Variants in RALGPS1 observed in about 807,000 individuals in gnomAD.
RALGPS1 encodes Ral GEF with PH domain and SH3 binding motif 1, also known as ras-specific guanine nucleotide-releasing factor RalGPS1.
Under a neutral mutation model 78.8 loss-of-function variants are expected in RALGPS1, and 19 were observed. The ratio of observed to expected loss-of-function variants is 0.24; its 90% CI spans 0.17 to 0.35. The LOEUF is 0.35. Ranked by LOEUF, RALGPS1 falls within the 10% of genes least tolerant of loss-of-function variation. RALGPS1 has a pLI of 1.00. For synonymous variants in RALGPS1, 228 were observed against 256.3 expected, an observed-to-expected ratio of 0.89 and a Z score of 1.06; for missense variants, 454 against 688.3, an observed-to-expected ratio of 0.66 and a Z score of 3.81.
In RALGPS1 at chr9:127,183,752, G is replaced by C. The variant is rs780752321; in HGVS notation, c.910+8970G>C. Reference sequence around the variant, plus strand: ...CTCTCTCTGGAAACATACTCTCTCTGCCCGTTTATATTTTCGGAATGGATG... The same window carrying C: ...CTCTCTCTGGAAACATACTCTCTCTCCCCGTTTATATTTTCGGAATGGATG... On this transcript the variant is annotated intron_variant, in intron 11 of 18. Transcript: ENST00000259351. The surrounding 1 kb of genome is among the most constrained non-coding windows in gnomAD (Gnocchi z 4.0). 1.2e-5 allele frequency: 10 copies of C among 862,300 alleles called. No homozygotes were observed. The highest frequency in any genetic ancestry group is 1.6e-5 in the Non-Finnish European group (9 of 568,946). 53.4% of individuals were successfully genotyped at this position (862,300 alleles called of 1,614,324 possible).
At chr9:127,044,962 A>G (rs2069979513) in intron 5 of RALGPS1, among the ~76,000 whole-genome samples, 2 of 152,218 alleles carry the variant, frequency 1.3e-5, no homozygotes, top group Admixed American at 1.3e-4. Flanking sequence ...ATACTTCTAC[A>G]TTTATATTTC....
chr9:127,060,706 G>A (rs2049137629), intron 7 of RALGPS1, among the ~76,000 whole-genome samples: 1 of 151,922 alleles, frequency 6.6e-6, no homozygotes, highest in African/African-American at 2.4e-5. Context: ...CACCGTTACT[G>A]GAGTGATCTC....
At chr9:127,014,151 G>A (rs1048185338) in intron 4 of RALGPS1, among the ~76,000 whole-genome samples, 2 of 152,214 alleles carry the variant, frequency 1.3e-5, no homozygotes, top group African/African-American at 2.4e-5. Flanking sequence ...CGGGCCTGAG[G>A]TTGGGAACAC....
chr9:126,952,402 T>G (rs964034491), intron 1 of RALGPS1, among the ~76,000 whole-genome samples: 2 of 152,096 alleles, frequency 1.3e-5, no homozygotes, highest in African/African-American at 4.8e-5. Context: ...TGACATGTGC[T>G]TACGTGGCCA....
intron 6 of RALGPS1, among the ~76,000 whole-genome samples, chr9:127,050,384 C>G (rs541169348): frequency 6.6e-6 from 1 of 152,328 alleles, no homozygotes; most frequent in East Asian, 1.9e-4. Flanking sequence ...AGTGGCCAGC[C>G]ATTCTCCTTA....
chr9:127,209,971 G>C lies in RALGPS1; in HGVS notation c.1248-2160G>C, dbSNP rs114146869. Among the ~76,000 whole-genome samples, 1,405 of 152,326 alleles carry C rather than the reference G, an allele frequency of 9.2e-3. 35 individuals are homozygous for C. Among genetic ancestry groups the C allele is most frequent in the African/African-American group, 0.032 (1,312 of 41,558 alleles). ...GCCATGCCTCAAGGGTGGGGAGAAGGTTGGAACATCAAGTGGATACGGGAA... is the reference window on the plus strand; with the variant it reads ...GCCATGCCTCAAGGGTGGGGAGAAGCTTGGAACATCAAGTGGATACGGGAA... On this transcript the variant is annotated intron_variant, in intron 14 of 18. Coordinates refer to ENST00000259351, the MANE Select transcript of RALGPS1 (RefSeq NM_014636.3).
chr9:127,174,575 C>CA, intron 10 of RALGPS1, 140 bp from the exon 11 acceptor site: 1 of 753,934 alleles, frequency 1.3e-6, no homozygotes, highest in South Asian at 1.6e-5. Context: ...CCGGAGACCT[C>CA]AGAGGGAAGT....
chr9:127,159,234 C>T (rs2058877086), intron 8 of RALGPS1, among the ~76,000 whole-genome samples: 1 of 152,136 alleles, frequency 6.6e-6, no homozygotes, highest in Admixed American at 6.5e-5. Flanking sequence ...TCTGGGGGAA[C>T]GTTTGCAAAC....
At chr9:127,169,566 C>T (rs556195032) in intron 10 of RALGPS1, among the ~76,000 whole-genome samples, 12 of 152,178 alleles carry the variant, frequency 7.9e-5, no homozygotes, top group Admixed American at 7.2e-4. Context: ...TTCATATGAC[C>T]TGGTATTAAG....
chr9:127,140,198 C>G (rs2057674219), intron 8 of RALGPS1, among the ~76,000 whole-genome samples: 1 of 152,206 alleles, frequency 6.6e-6, no homozygotes, highest in African/African-American at 2.4e-5. Context: ...TTTCCTTTTA[C>G]CACTTTTCCT....
chr9:126,997,045 A>C (rs1267607058), intron 4 of RALGPS1, among the ~76,000 whole-genome samples: 1 of 152,198 alleles, frequency 6.6e-6, no homozygotes, highest in Non-Finnish European at 1.5e-5. Flanking sequence ...AAATAATAAG[A>C]GCTATCTATG....
intron 8 of RALGPS1, chr9:127,087,936 C>G (rs2051964510): frequency 6.6e-6 from 1 of 152,614 alleles, no homozygotes; most frequent in South Asian, 2.1e-4. Flanking sequence ...ATGGAAGATA[C>G]AAAACTGCGA....
chr9:127,180,758 A>G (rs985768319), intron 11 of RALGPS1, among the ~76,000 whole-genome samples: 1 of 152,238 alleles, frequency 6.6e-6, no homozygotes, highest in Non-Finnish European at 1.5e-5. Flanking sequence ...ACCTAAGGGC[A>G]TGAAACAACC....
chr9:127,188,997 C>CAA (rs543909572), intron 11 of RALGPS1, among the ~76,000 whole-genome samples: 42 of 56,812 alleles, frequency 7.4e-4, no homozygotes, highest in South Asian at 1.1e-3. Context: ...AAGACTGTCT[C>CAA]AAAAAAAAAA....
intron 8 of RALGPS1, among the ~76,000 whole-genome samples, chr9:127,132,926 A>G (rs374851774): frequency 6.6e-6 from 1 of 152,198 alleles, no homozygotes; most frequent in East Asian, 1.9e-4. Flanking sequence ...TGGGCTCTGG[A>G]ACCAGACTTT....
At chr9:127,202,497 C>T (rs1564786640) in intron 14 of RALGPS1, among the ~76,000 whole-genome samples, 2 of 152,084 alleles carry the variant, frequency 1.3e-5, no homozygotes, top group African/African-American at 2.4e-5. Context: ...GGGTCTGTTC[C>T]TACTGGACTG....
chr9:126,948,483 T>G (rs1196205235), intron 1 of RALGPS1, among the ~76,000 whole-genome samples: 1 of 152,098 alleles, frequency 6.6e-6, no homozygotes, highest in African/African-American at 2.4e-5. Context: ...ATTGCACCAC[T>G]GCACTCCAGC....
chr9:127,087,973 C>G (rs1343758269), intron 8 of RALGPS1: 1 of 152,574 alleles, frequency 6.6e-6, no homozygotes, highest in African/African-American at 2.4e-5. Flanking sequence ...GCCGGTGGAG[C>G]TTTTGGCCTG....
intron 18 of RALGPS1, among the ~76,000 whole-genome samples, 180 bp downstream of exon 18, chr9:127,215,022 A>G (rs969821150): frequency 1.3e-5 from 2 of 152,222 alleles, no homozygotes; most frequent in Non-Finnish European, 2.9e-5. Context: ...GCTTAGAACT[A>G]AGCCCAGCTC....
Sources: allele counts gnomAD v4.1 joint callset (sites outside exome capture counted in the v4.1 genomes callset), GRCh38; gene constraint gnomAD v4.1.1; non-coding constraint Gnocchi (gnomAD v3.1); transcripts MANE v1.5; gene names NCBI Gene and HGNC (gene_info 2026-07-23, HGNC 2026-07-21).